DEUP1: variants seen among roughly 807,000 people sequenced by gnomAD.
DEUP1 encodes the protein coiled-coil domain containing 67.
DEUP1 carries 82 observed loss-of-function variants against 87.4 expected under a neutral mutation model. The observed-to-expected ratio is 0.94, with a 90% CI of 0.78 to 1.13. The LOEUF (loss-of-function observed/expected upper bound fraction) is 1.13, where lower values mean the gene tolerates loss of function less well. DEUP1 is among the 50% of genes most tolerant of loss of function. DEUP1 has a pLI of 0.00. For synonymous variants in DEUP1, 214 were observed against 222.7 expected (o/e 0.96, Z 0.35); for missense variants, 663 against 681.5 (o/e 0.97, Z 0.30).
intron 13 of DEUP1, among the ~76,000 whole-genome samples, chr11:93,436,986 T>C (rs1591286689): frequency 6.6e-6 from 1 of 152,132 alleles, no homozygotes; most frequent in East Asian, 1.9e-4. Flanking sequence ...TTGTCCCTGA[T>C]ACTTTCTTCT....
At chr11:93,432,078 T>C (rs1238736980) in intron 13 of DEUP1, among the ~76,000 whole-genome samples, 1 of 152,178 alleles carries the variant, frequency 6.6e-6, no homozygotes, top group Non-Finnish European at 1.5e-5. Flanking sequence ...TATTTAAGTC[T>C]ATAGAACTGG....
chr11:93,408,229 A>G lies in DEUP1; in HGVS notation c.1327-2A>G. 6.5e-7 allele frequency: 1 copy of G among 1,547,564 alleles called. No individual in the cohort carries two copies. Among genetic ancestry groups the G allele is most frequent in the Non-Finnish European group, 8.7e-7 (1 of 1,145,876 alleles). On this transcript the variant is annotated splice_acceptor_variant, in intron 11 of 13. Coordinates refer to ENST00000298050, the MANE Select transcript of DEUP1 (RefSeq NM_181645.4). LOFTEE classifies it high-confidence loss of function. Reference sequence around the variant, plus strand: ...TCAATGATAGTTTATTTTATTCTCTAGAGTATGGACTTCACTAACAGGGAA... The same window carrying G: ...TCAATGATAGTTTATTTTATTCTCTGGAGTATGGACTTCACTAACAGGGAA...
chr11:93,427,598 T>C (rs1219740040), intron 13 of DEUP1, among the ~76,000 whole-genome samples: 3 of 150,524 alleles, frequency 2.0e-5, no homozygotes, highest in Non-Finnish European at 4.4e-5. Flanking sequence ...CCAAAAGCAA[T>C]GGCAACAAAA....
At chr11:93,381,993 C>A (rs549345042) in intron 7 of DEUP1, among the ~76,000 whole-genome samples, 1 of 152,028 alleles carries the variant, frequency 6.6e-6, no homozygotes, top group Non-Finnish European at 1.5e-5. Context: ...AAGTATTCAT[C>A]TGAAGTACCT....
chr11:93,335,429 TTTAAC>T (rs1272774102), intron 2 of DEUP1, among the ~76,000 whole-genome samples: 5 of 152,218 alleles, frequency 3.3e-5, no homozygotes, highest in Non-Finnish European at 7.3e-5. Context: ...TGTTATTATG[TTTAAC>T]TTGTGTTTTT....
At chr11:93,394,711 A>C (rs764670454) in intron 10 of DEUP1, 55 bp downstream of exon 10, 17 of 1,180,652 alleles carry the variant, frequency 1.4e-5, no homozygotes, top group Non-Finnish European at 1.9e-5. Context: ...CTCAGTGCCA[A>C]TAGTAGCCTT....
intron 7 of DEUP1, among the ~76,000 whole-genome samples, chr11:93,372,547 G>A (rs1039183977): frequency 3.9e-5 from 6 of 152,084 alleles, no homozygotes; most frequent in African/African-American, 1.4e-4. Context: ...GGATTATATA[G>A]GGAGTTAGTC....
intron 8 of DEUP1, among the ~76,000 whole-genome samples, chr11:93,387,579 T>G (rs1166618718): frequency 6.6e-6 from 1 of 152,176 alleles, no homozygotes; most frequent in Non-Finnish European, 1.5e-5. Context: ...TTATCATGAT[T>G]ACGGTTTTCT....
At chr11:93,418,127 A>T (rs940766347) in intron 13 of DEUP1, among the ~76,000 whole-genome samples, 20 of 152,166 alleles carry the variant, frequency 1.3e-4, no homozygotes, top group African/African-American at 4.8e-4. Context: ...ACGGGCAAGG[A>T]CTTCATGTCT....
chr11:93,336,241 G>A (rs1014815206), intron 2 of DEUP1, among the ~76,000 whole-genome samples: 9 of 152,014 alleles, frequency 5.9e-5, no homozygotes, highest in African/African-American at 2.2e-4. Flanking sequence ...AGAGCAGGAG[G>A]GAGAGAGAGA....
chr11:93,374,115 C>CT (rs2134280676), intron 7 of DEUP1, among the ~76,000 whole-genome samples: 1 of 152,228 alleles, frequency 6.6e-6, no homozygotes, highest in South Asian at 2.1e-4. Flanking sequence ...CCTTAGCCCA[C>CT]TTTTTGATGG....
intron 11 of DEUP1, among the ~76,000 whole-genome samples, chr11:93,401,930 A>G (rs186424268): frequency 2.0e-5 from 3 of 152,138 alleles, no homozygotes; most frequent in East Asian, 1.9e-4. Flanking sequence ...GAAATACTCC[A>G]TGACTTTAGT....
intron 12 of DEUP1, among the ~76,000 whole-genome samples, chr11:93,410,820 A>T (rs1243096413): frequency 6.6e-6 from 1 of 152,232 alleles, no homozygotes; most frequent in Admixed American, 6.5e-5. Flanking sequence ...ATCTAACAAA[A>T]ACAAGACAGT....
intron 7 of DEUP1, among the ~76,000 whole-genome samples, chr11:93,377,710 C>T (rs1946103867): frequency 6.6e-6 from 1 of 152,072 alleles, no homozygotes; most frequent in Non-Finnish European, 1.5e-5. Context: ...TTTATAGGTC[C>T]TGTGAGATGT....
chr11:93,394,023 ATT>A (rs1356265242), intron 9 of DEUP1, among the ~76,000 whole-genome samples: 1 of 152,212 alleles, frequency 6.6e-6, no homozygotes, highest in Non-Finnish European at 1.5e-5. Context: ...AGTACAGCCT[ATT>A]TTAGTTTTAA....
At chr11:93,396,391 G>T (rs773015371) in intron 11 of DEUP1, 66 bp downstream of exon 11, 110 of 983,470 alleles carry the variant, frequency 1.1e-4, no homozygotes, top group Admixed American at 5.4e-4. Context: ...GATTAACCTA[G>T]ACATCATTTA....
At chr11:93,343,810 T>C (rs985235881) in intron 2 of DEUP1, among the ~76,000 whole-genome samples, 1 of 152,234 alleles carries the variant, frequency 6.6e-6, no homozygotes, top group Non-Finnish European at 1.5e-5. Flanking sequence ...ATGAAGCCTT[T>C]AGAACAAGGC....
intron 13 of DEUP1, among the ~76,000 whole-genome samples, chr11:93,435,003 A>G (rs1402268013): frequency 1.3e-5 from 2 of 152,122 alleles, no homozygotes. Context: ...AGTGGATACC[A>G]TGGTCGTGCC....
At chr11:93,403,692 GTTAA>G (rs1947188153) in intron 11 of DEUP1, among the ~76,000 whole-genome samples, 2 of 151,332 alleles carry the variant, frequency 1.3e-5, no homozygotes, top group Admixed American at 6.6e-5. Context: ...AGTTTCATCA[GTTAA>G]TTTTCTCTTT....
Sources: allele counts gnomAD v4.1 joint callset (sites outside exome capture counted in the v4.1 genomes callset), GRCh38; gene constraint gnomAD v4.1.1; transcripts MANE v1.5; gene names NCBI Gene and HGNC (gene_info 2026-07-23, HGNC 2026-07-21).